The following MAP2K1 variants were observed in gnomAD, a reference collection of about 807,000 sequenced individuals.
MAP2K1 encodes the protein dual specificity mitogen-activated protein kinase kinase 1.
In MAP2K1, 16 loss-of-function variants were observed where a neutral mutation model predicts 46.3. That is an observed-to-expected ratio of 0.35 (90% CI 0.23 to 0.52). The LOEUF (loss-of-function observed/expected upper bound fraction) is 0.52. MAP2K1 is among the 20% of genes least tolerant of loss of function. The pLI is 0.94. For missense variants in MAP2K1, 263 were observed against 497.1 expected (o/e 0.53, Z 4.48); for synonymous variants, 183 against 185.6 (o/e 0.99, Z 0.11).
chr15:66,481,692 A>G (rs949984417), intron 5 of MAP2K1, 63 bp from the exon 6 acceptor site: 1 of 1,586,450 alleles, frequency 6.3e-7, no homozygotes, highest in African/African-American at 1.3e-5. Context: ...TGGAATGCTG[A>G]TCCTTCTCTT....
Position 66,489,877 on chromosome 15 carries a change from G to T in MAP2K1, c.1068+114G>T. 8 of 916,926 alleles carry T rather than the reference G, an allele frequency of 8.7e-6. No homozygotes were observed. In the South Asian group the frequency reaches 1.0e-4, roughly 12 times the overall value. The allele number at this position is 916,926 out of a possible 1,614,324, so 56.8% of individuals were successfully genotyped here. A position where few individuals can be genotyped will look rare whatever the true frequency, so the allele number is the denominator to read the frequency against. On this transcript the variant is annotated intron_variant, in intron 10 of 10. Coordinates refer to ENST00000307102, the MANE Select transcript of MAP2K1 (RefSeq NM_002755.4). Reference sequence around the variant, plus strand: ...TTCATTCCCTGCCCACTGTGGTCCAGCTGAGCCTGGGGCTGCAGAATACCA... The same window carrying T: ...TTCATTCCCTGCCCACTGTGGTCCATCTGAGCCTGGGGCTGCAGAATACCA...
intron 6 of MAP2K1, among the ~76,000 whole-genome samples, chr15:66,484,028 A>G (rs1009584725): frequency 6.6e-6 from 1 of 151,722 alleles, no homozygotes; most frequent in African/African-American, 2.4e-5. Context: ...GGTTACAGGC[A>G]TGAGCCACCG....
At chr15:66,481,649 G>C in intron 5 of MAP2K1, 106 bp from the exon 6 acceptor site, 1 of 1,307,026 alleles carries the variant, frequency 7.7e-7, no homozygotes, top group East Asian at 2.4e-5. Flanking sequence ...ACGGGGGTGT[G>C]GTCCTGGGAC....
chr15:66,481,061 G>A (rs908238912), intron 5 of MAP2K1, among the ~76,000 whole-genome samples: 3 of 152,162 alleles, frequency 2.0e-5, no homozygotes, highest in African/African-American at 7.2e-5. Context: ...AAGGAAGGGG[G>A]ATGGGGGCAT....
intron 1 of MAP2K1, among the ~76,000 whole-genome samples, chr15:66,410,610 T>A (rs2093409026): frequency 6.6e-6 from 1 of 151,510 alleles, no homozygotes; most frequent in Admixed American, 6.6e-5. Flanking sequence ...TAGGTCCAAG[T>A]CTAGAACTTG....
chr15:66,456,989 A>G (rs1412724084), intron 5 of MAP2K1, among the ~76,000 whole-genome samples: 2 of 152,388 alleles, frequency 1.3e-5, no homozygotes, highest in East Asian at 3.9e-4. Context: ...AACAACAAGC[A>G]GTTAACACAG....
chr15:66,423,989 G>C (rs1208536209), intron 1 of MAP2K1, among the ~76,000 whole-genome samples: 1 of 151,994 alleles, frequency 6.6e-6, no homozygotes, highest in Non-Finnish European at 1.5e-5. Flanking sequence ...CTGACCTCAG[G>C]TGATCCACCT....
chr15:66,461,469 T>G (rs1165260292), intron 5 of MAP2K1, among the ~76,000 whole-genome samples: 1 of 134,700 alleles, frequency 7.4e-6, no homozygotes, highest in Non-Finnish European at 1.6e-5. Flanking sequence ...AGAGTGAGAC[T>G]CTGTCTCTAA....
intron 5 of MAP2K1, among the ~76,000 whole-genome samples, chr15:66,453,160 C>G (rs1567015317): frequency 6.6e-6 from 1 of 152,182 alleles, no homozygotes; most frequent in Non-Finnish European, 1.5e-5. Context: ...CAATGAAGAC[C>G]TCTAACTTTA....
chr15:66,457,256 T>TC (rs1186285644), intron 5 of MAP2K1, among the ~76,000 whole-genome samples: 2 of 152,202 alleles, frequency 1.3e-5, no homozygotes, highest in Non-Finnish European at 2.9e-5. Context: ...GTAGCGGGGA[T>TC]CACAGGCATG....
chr15:66,436,538 G>C (rs1445321540), intron 2 of MAP2K1, among the ~76,000 whole-genome samples: 3 of 152,160 alleles, frequency 2.0e-5, no homozygotes, highest in Non-Finnish European at 4.4e-5. Context: ...CCCAGGAGCC[G>C]AGGCACAGCT....
intron 1 of MAP2K1, among the ~76,000 whole-genome samples, chr15:66,412,941 G>T (rs2093414921): frequency 6.6e-6 from 1 of 151,874 alleles, no homozygotes; most frequent in Non-Finnish European, 1.5e-5. Context: ...TGTCGCCCTG[G>T]CTGGAGTACA....
chr15:66,473,096 T>A (rs183860485), intron 5 of MAP2K1, among the ~76,000 whole-genome samples: 78 of 152,310 alleles, frequency 5.1e-4, no homozygotes, highest in Admixed American at 4.4e-3. Context: ...GGTGGTTGAT[T>A]GGGTTTGTGA....
At chr15:66,445,952 G>A (rs968046684) in intron 5 of MAP2K1, among the ~76,000 whole-genome samples, 2 of 151,942 alleles carry the variant, frequency 1.3e-5, no homozygotes, top group Admixed American at 1.3e-4. Flanking sequence ...GGCTGGGCAC[G>A]GTGGCTCATG....
intron 1 of MAP2K1, among the ~76,000 whole-genome samples, chr15:66,431,912 T>C (rs1359908657): frequency 6.6e-6 from 1 of 152,198 alleles, no homozygotes; most frequent in Non-Finnish European, 1.5e-5. Flanking sequence ...GTTCTCACCA[T>C]TCAGTTCCCA....
At chr15:66,423,437 C>G (rs2093448589) in intron 1 of MAP2K1, among the ~76,000 whole-genome samples, 2 of 139,724 alleles carry the variant, frequency 1.4e-5, no homozygotes, top group Non-Finnish European at 1.6e-5. Flanking sequence ...TTGTGTTTTT[C>G]TTTCCTTTTT....
At chr15:66,458,082 T>G (rs1009454625) in intron 5 of MAP2K1, among the ~76,000 whole-genome samples, 9 of 152,224 alleles carry the variant, frequency 5.9e-5, no homozygotes, top group African/African-American at 2.2e-4. Flanking sequence ...TTCCTGATCC[T>G]GGAGCTCTGA....
Position 66,387,008 on chromosome 15 carries a change from G to T in MAP2K1, c.-340G>T. The T allele has an allele frequency of 3.3e-6, 1 of 299,090 alleles. No homozygotes were observed. Among genetic ancestry groups the T allele is most frequent in the Non-Finnish European group, 6.1e-6 (1 of 163,284 alleles). 18.5% of individuals were successfully genotyped at this position (299,090 alleles called of 1,614,324 possible). A position where few individuals can be genotyped will look rare whatever the true frequency, so the allele number is the denominator to read the frequency against. ...GGAGCTGGGCTCTGGTGCGCGCGCGGCTGTGCCGCCCGAGCCGGAGGGACT... is the reference window on the plus strand; with the variant it reads ...GGAGCTGGGCTCTGGTGCGCGCGCGTCTGTGCCGCCCGAGCCGGAGGGACT... On this transcript the variant is annotated 5_prime_UTR_variant, in exon 1 of 11. Transcript: ENST00000307102.
At chr15:66,404,677 A>G (rs1370327100) in intron 1 of MAP2K1, among the ~76,000 whole-genome samples, 1 of 152,216 alleles carries the variant, frequency 6.6e-6, no homozygotes, top group African/African-American at 2.4e-5. Context: ...AACCACCAAC[A>G]GGTGTTTCGG....
Sources: gnomAD v4.1 joint callset for allele counts (sites outside exome capture counted in the v4.1 genomes callset) on GRCh38, gnomAD v4.1.1 for gene constraint, MANE v1.5 for transcripts, NCBI Gene and HGNC (gene_info 2026-07-23, HGNC 2026-07-21) for gene names.